The following MEGF10 variants were observed in gnomAD, a reference collection of about 807,000 sequenced individuals.
MEGF10 encodes the protein multiple EGF like domains 10, also known as multiple epidermal growth factor-like domains protein 10.
Under a neutral mutation model 147.5 loss-of-function variants are expected in MEGF10, and 86 were observed. That is an observed-to-expected ratio of 0.58 (90% CI 0.49 to 0.70). The LOEUF is 0.70. Ranked by LOEUF, MEGF10 falls within the 30% of genes least tolerant of loss-of-function variation. MEGF10 has a pLI of 0.00. For missense variants in MEGF10, 1,329 were observed against 1,487.3 expected, an observed-to-expected ratio of 0.89 and a Z score of 1.75; for synonymous variants, 478 against 525.5, an observed-to-expected ratio of 0.91 and a Z score of 1.24.
At chr5:127,345,285 G>A (rs922635536) in intron 4 of MEGF10, among the ~76,000 whole-genome samples, 4 of 152,096 alleles carry the variant, frequency 2.6e-5, no homozygotes, top group Non-Finnish European at 5.9e-5. Context: ...TGGGGAGGCT[G>A]GTAAAATGCA....
intron 1 of MEGF10, among the ~76,000 whole-genome samples, chr5:127,310,516 C>T (rs368449876): frequency 3.7e-4 from 57 of 152,062 alleles, no homozygotes; most frequent in South Asian, 8.3e-4. Flanking sequence ...AGGATAGCCC[C>T]TTTCTCTGTA....
At chr5:127,285,690 A>G in the MEGF10 span, among the ~76,000 whole-genome samples, 1 of 152,114 alleles carries the variant, frequency 6.6e-6, no homozygotes, top group Non-Finnish European at 1.5e-5. Flanking sequence ...GAAAGACCAT[A>G]TTTTTGCCAT....
intron 16 of MEGF10, among the ~76,000 whole-genome samples, chr5:127,436,614 C>T (rs577484440): frequency 2.9e-4 from 44 of 152,260 alleles, no homozygotes; most frequent in Non-Finnish European, 5.3e-4. Flanking sequence ...TATATTGCTC[C>T]TTTAAAAAGT....
At chr5:127,356,417 A>C (rs1301265908) in intron 4 of MEGF10, among the ~76,000 whole-genome samples, 3 of 152,182 alleles carry the variant, frequency 2.0e-5, no homozygotes, top group African/African-American at 7.2e-5. Context: ...GCTGGAAAAA[A>C]ATCAGAGAGC....
intron 5 of MEGF10, among the ~76,000 whole-genome samples, chr5:127,385,014 G>A (rs1049227314): frequency 1.3e-5 from 2 of 152,186 alleles, no homozygotes; most frequent in African/African-American, 2.4e-5. Flanking sequence ...AAGGGTGTAT[G>A]TTTCAGGAAG....
the MEGF10 span, among the ~76,000 whole-genome samples, chr5:127,243,191 T>G: frequency 2.0e-5 from 3 of 152,166 alleles, no homozygotes; most frequent in Admixed American, 1.3e-4. Context: ...GAGAACATAT[T>G]GTCAGGATAA....
Position 127,455,483 on chromosome 5 carries a change from A to T in MEGF10, c.3108A>T (p.Pro1036=), listed in dbSNP as rs776916860. The T allele has an allele frequency of 3.7e-6, 6 of 1,613,958 alleles. No homozygotes were observed. The South Asian group carries it at 6.6e-5, about 18-fold the overall frequency. The change falls in exon 24 of 25, where the codon CCA becomes CCT. Residue 1036 remains proline (P), a synonymous_variant. Coordinates refer to ENST00000503335, the MANE Select transcript of MEGF10 (RefSeq NM_001256545.2). ...ACCCATATGCCACTATTAAAGACCCACCTGTACTTATCCCGAAAAGCTCAG... is the reference window on the plus strand; with the variant it reads ...ACCCATATGCCACTATTAAAGACCCTCCTGTACTTATCCCGAAAAGCTCAG... ...SENPYATIKD[P]PVLIPKSSEC...
In MEGF10 at chr5:127,342,538, G is replaced by T. The variant is rs374014609; in HGVS notation, c.319+1908G>T. Among the ~76,000 whole-genome samples, 3 of 152,044 alleles carry T rather than the reference G, an allele frequency of 2.0e-5. No individual in the cohort carries two copies. In the East Asian group the frequency reaches 5.8e-4, roughly 29 times the overall value. On this transcript the variant is annotated intron_variant, in intron 4 of 24. Transcript: ENST00000503335. ...TGCTAGATTTCACTGGCAAGCTGGT[G>T]GGGGGGTGTAGATCCAAGCAAGCTC... is the stretch of plus-strand genomic sequence containing the variant.
At chr5:127,421,133 T>C (rs534629857) in intron 12 of MEGF10, among the ~76,000 whole-genome samples, 1 of 152,218 alleles carries the variant, frequency 6.6e-6, no homozygotes, top group African/African-American at 2.4e-5. Flanking sequence ...TTATCAGTAC[T>C]TGGAGATGAG....
chr5:127,304,897 T>C (rs948750781), intron 1 of MEGF10, among the ~76,000 whole-genome samples: 1 of 152,218 alleles, frequency 6.6e-6, no homozygotes, highest in Non-Finnish European at 1.5e-5. Context: ...GCTAGGACCT[T>C]GATCTTGGAC....
In MEGF10 at chr5:127,458,193, T is replaced by A. The variant is rs1462151280; in HGVS notation, c.*875T>A. Reference sequence around the variant, plus strand: ...TGACAGACTGGATGGAATGAGTGTGTAATGATTGATAAAGGTTGTAAATTT... The same window carrying A: ...TGACAGACTGGATGGAATGAGTGTGAAATGATTGATAAAGGTTGTAAATTT... On this transcript the variant is annotated 3_prime_UTR_variant, in exon 25 of 25. Transcript: ENST00000503335. 1 of 152,224 alleles carries A rather than the reference T, an allele frequency of 6.6e-6. No individual in the cohort carries two copies. The highest frequency in any genetic ancestry group is 6.5e-5 in the Admixed American group (1 of 15,274). The allele number at this position is 152,224 out of a possible 1,614,324, so 9.4% of individuals were successfully genotyped here. A position where few individuals can be genotyped will look rare whatever the true frequency, so the allele number is the denominator to read the frequency against.
At chr5:127,385,634 G>T (rs75535265) in intron 5 of MEGF10, among the ~76,000 whole-genome samples, 211 of 152,256 alleles carry the variant, frequency 1.4e-3, no homozygotes, top group African/African-American at 4.8e-3. Context: ...CACCAGTGGG[G>T]TTAGTTATGT....
At chr5:127,321,187 C>G (rs1437336390) in intron 1 of MEGF10, among the ~76,000 whole-genome samples, 2 of 152,132 alleles carry the variant, frequency 1.3e-5, no homozygotes, top group African/African-American at 4.8e-5. Context: ...TGATCATGGC[C>G]AAGTCATCTT....
the MEGF10 span, among the ~76,000 whole-genome samples, chr5:127,255,920 T>C: frequency 1.3e-5 from 2 of 152,188 alleles, no homozygotes; most frequent in Admixed American, 6.5e-5. Context: ...GAGCACTTTA[T>C]TGAGTAGATT....
chr5:127,335,945 G>A (rs1473863412), intron 2 of MEGF10, among the ~76,000 whole-genome samples: 1 of 150,862 alleles, frequency 6.6e-6, no homozygotes, highest in Non-Finnish European at 1.5e-5. Context: ...TAATGTGTAA[G>A]AAACAACAGA....
At chr5:127,306,216 C>T (rs1760005538) in intron 1 of MEGF10, among the ~76,000 whole-genome samples, 1 of 152,160 alleles carries the variant, frequency 6.6e-6, no homozygotes, top group Admixed American at 6.5e-5. Flanking sequence ...TTCACTGGTA[C>T]ATAAGAGAGA....
chr5:127,380,958 C>T (rs905287132), intron 5 of MEGF10, among the ~76,000 whole-genome samples: 3 of 152,070 alleles, frequency 2.0e-5, no homozygotes, highest in Non-Finnish European at 4.4e-5. Flanking sequence ...GAGTTCTTCA[C>T]CCTCAAGAGA....
At chr5:127,422,354 C>G (rs1303909327) in intron 12 of MEGF10, among the ~76,000 whole-genome samples, 1 of 151,862 alleles carries the variant, frequency 6.6e-6, no homozygotes, top group Non-Finnish European at 1.5e-5. Flanking sequence ...AACCCTGTCT[C>G]TACTAAAAAT....
intron 4 of MEGF10, among the ~76,000 whole-genome samples, chr5:127,369,434 G>A (rs141855140): frequency 6.5e-4 from 99 of 152,228 alleles, no homozygotes; most frequent in African/African-American, 2.3e-3. Context: ...TGTGAACAAC[G>A]TGTTCACAAA....
Sources: allele counts gnomAD v4.1 joint callset (sites outside exome capture counted in the v4.1 genomes callset), GRCh38; gene constraint gnomAD v4.1.1; transcripts MANE v1.5; gene names NCBI Gene and HGNC (gene_info 2026-07-23, HGNC 2026-07-21).